Variants in CLK3 observed in about 807,000 individuals in gnomAD.
CLK3 encodes the protein CDC like kinase 3.
In CLK3, 24 loss-of-function variants were observed where a neutral mutation model predicts 65.2. The ratio of observed to expected loss-of-function variants is 0.37; its 90% CI spans 0.27 to 0.52. The LOEUF (loss-of-function observed/expected upper bound fraction) is 0.52. Among genes scored for constraint, CLK3 ranks in the 20% least tolerant of loss-of-function variants. The pLI is 0.92. For synonymous variants in CLK3, 252 were observed against 240.8 expected (o/e 1.05, Z -0.43); for missense variants, 506 against 660.0 (o/e 0.77, Z 2.56).
rs774518985 is a variant in CLK3, at chr15:74,622,448, C to G, written c.467-46C>G. On this transcript the variant is annotated intron_variant, in intron 4 of 12. Transcript: ENST00000395066. The surrounding 1 kb of genome is among the most constrained non-coding windows in gnomAD (Gnocchi z 4.6). ...GCTGTGAACTTGCAGGAGCTGCCAACCCCCTGCCCTCCAGATTCTCATGCC... is the reference window on the plus strand; with the variant it reads ...GCTGTGAACTTGCAGGAGCTGCCAAGCCCCTGCCCTCCAGATTCTCATGCC... 6.9e-7 allele frequency: 1 copy of G among 1,447,784 alleles called. No individual in the cohort carries two copies. Among genetic ancestry groups the G allele is most frequent in the South Asian group, 1.2e-5 (1 of 82,242 alleles). 89.7% of individuals were successfully genotyped at this position (1,447,784 alleles called of 1,614,324 possible). A position where few individuals can be genotyped will look rare whatever the true frequency, so the allele number is the denominator to read the frequency against.
At chr15:74,617,860 TAGTC>T (rs1253404815) in intron 1 of CLK3, among the ~76,000 whole-genome samples, 1 of 152,240 alleles carries the variant, frequency 6.6e-6, no homozygotes, top group African/African-American at 2.4e-5. Flanking sequence ...AGTGAAATAT[TAGTC>T]AGCTGATTAC....
Position 74,620,107 on chromosome 15 carries a change from A to G in CLK3, c.251A>G (p.Tyr84Cys), listed in dbSNP as rs895364263. 1.7e-5 allele frequency: 27 copies of G among 1,614,020 alleles called. No individual in the cohort carries two copies. Among genetic ancestry groups the G allele is most frequent in the African/African-American group, 4.0e-5 (3 of 74,908 alleles). ...ERSPSFGEDY[Y>C]GPSRSRHRRR... ...AGCCCATCCTTTGGAGAGGACTACT[A>G]TGGACCTTCACGTTCTCGTCATCGT... Residue 84 changes from tyrosine (Y) to cysteine (C), a missense_variant, in exon 3 of 13, where the codon TAT (tyrosine) becomes TGT (cysteine). Physicochemically the swap from Tyr to Cys is radical, Grantham distance 194. This residue lies in a region of CLK3 where 181 missense variants were observed against 159.4 expected (regional missense o/e 1.14). Transcript: ENST00000395066.
intron 1 of CLK3, 155 bp from the exon 2 acceptor site, chr15:74,619,042 C>T (rs896410507): frequency 1.2e-6 from 1 of 809,832 alleles, no homozygotes; most frequent in Non-Finnish European, 2.0e-6. Context: ...CCAGTGTGAC[C>T]TCAGAGTTCT....
intron 1 of CLK3, among the ~76,000 whole-genome samples, chr15:74,617,724 A>G (rs1429334977): frequency 6.6e-6 from 1 of 152,272 alleles, no homozygotes; most frequent in Non-Finnish European, 1.5e-5. Flanking sequence ...GGGCAGGACC[A>G]TACTTGCCTT....
intron 1 of CLK3, among the ~76,000 whole-genome samples, chr15:74,616,281 C>A (rs532514533): frequency 2.0e-5 from 3 of 152,386 alleles, no homozygotes; most frequent in Admixed American, 6.5e-5. Flanking sequence ...CCTTGGCGGC[C>A]TGGAGTTTGA....
chr15:74,621,968 T>C lies in CLK3; in HGVS notation c.370-152T>C. The C allele has an allele frequency of 1.4e-6, 1 of 711,730 alleles. No homozygotes were observed. The highest frequency in any genetic ancestry group is 2.6e-6 in the Non-Finnish European group (1 of 390,056). The allele number at this position is 711,730 out of a possible 1,614,324, so 44.1% of individuals were successfully genotyped here. On this transcript the variant is annotated intron_variant, in intron 3 of 12. Coordinates refer to ENST00000395066, the MANE Select transcript of CLK3 (RefSeq NM_001130028.2). The surrounding 1 kb of genome is among the most constrained non-coding windows in gnomAD (Gnocchi z 4.8). Reference sequence around the variant, plus strand: ...CCTATCGTTATATATGCTGTGTGCCTTATGAAATGCTGGGATCTGGAAAAT... The same window carrying C: ...CCTATCGTTATATATGCTGTGTGCCCTATGAAATGCTGGGATCTGGAAAAT...
At chr15:74,619,033 C>T (rs2141539478) in intron 1 of CLK3, 164 bp from the exon 2 acceptor site, 5 of 732,204 alleles carry the variant, frequency 6.8e-6, no homozygotes, top group African/African-American at 1.8e-5. Flanking sequence ...GCTGTTTGAC[C>T]AGTGTGACCT....
At chr15:74,619,060 T>G in intron 1 of CLK3, 137 bp from the exon 2 acceptor site, 1 of 995,670 alleles carries the variant, frequency 1.0e-6, no homozygotes. Context: ...TCTTCTTCAC[T>G]TCATAAACCT....
At position 74,622,009 on chromosome 15, in the gene CLK3, A is replaced by G. The variant is rs1400590342; in HGVS notation, c.370-111A>G. 2 of 954,710 alleles carry G rather than the reference A, an allele frequency of 2.1e-6. No individual in the cohort carries two copies. Among genetic ancestry groups the G allele is most frequent in the Non-Finnish European group, 3.3e-6 (2 of 597,492 alleles). The allele number at this position is 954,710 out of a possible 1,614,324, so 59.1% of individuals were successfully genotyped here. ...TCTGGAAAATCCAACCAACCAACCC[A>G]CCGGCTCCTCACCGTCTCCACCTCT... is the stretch of plus-strand genomic sequence containing the variant. On this transcript the variant is annotated intron_variant, in intron 3 of 12. Coordinates refer to ENST00000395066, the MANE Select transcript of CLK3 (RefSeq NM_001130028.2). This position sits in a 1 kb window ranked among gnomAD's most constrained non-coding sequence, Gnocchi z 4.6.
At chr15:74,629,382 A>C (rs373129982) in intron 12 of CLK3, 3 of 529,784 alleles carry the variant, frequency 5.7e-6, no homozygotes, top group East Asian at 6.9e-5. Context: ...AGACATGGCC[A>C]GGAAGCCTCT....
upstream of CLK3, chr15:74,615,421 G>A (rs999945185): frequency 3.2e-6 from 4 of 1,265,152 alleles, no homozygotes; most frequent in African/African-American, 1.5e-5. Context: ...ACAGACCTCA[G>A]GCCGCTCTCG....
rs773802013 is a variant in CLK3, at chr15:74,627,404, G to A, written c.870G>A (p.Leu290=). ...CAGACTTGAAACCAGAGAACATCCT[G>A]TTTGTGAATTCTGAGTTTGAAACCC... ...THTDLKPENI[L]FVNSEFETLY... The change falls in exon 8 of 13, where the codon CTG becomes CTA. Residue 290 remains leucine (L), a synonymous_variant. Coordinates refer to ENST00000395066, the MANE Select transcript of CLK3 (RefSeq NM_001130028.2). The surrounding 1 kb of genome is among the most constrained non-coding windows in gnomAD (Gnocchi z 4.3). 12 of 1,614,066 alleles carry A rather than the reference G, an allele frequency of 7.4e-6. No homozygotes were observed. Among genetic ancestry groups the A allele is most frequent in the African/African-American group, 1.3e-5 (1 of 74,918 alleles).
upstream of CLK3, among the ~76,000 whole-genome samples, chr15:74,614,303 G>A (rs939668298): frequency 2.0e-5 from 3 of 152,138 alleles, no homozygotes; most frequent in African/African-American, 4.8e-5. Context: ...GTGAACCACC[G>A]CGCTTGGCCG....
chr15:74,625,257 G>T (rs1316078228), intron 6 of CLK3, among the ~76,000 whole-genome samples: 1 of 152,194 alleles, frequency 6.6e-6, no homozygotes, highest in Non-Finnish European at 1.5e-5. Context: ...AGCTCACTGG[G>T]TTATGCTGGG....
chr15:74,613,685 A>G (rs988222248), upstream of CLK3, among the ~76,000 whole-genome samples: 1 of 152,030 alleles, frequency 6.6e-6, no homozygotes, highest in African/African-American at 2.4e-5. Context: ...AGGGCTGGGG[A>G]CAGAAGCTTC....
In CLK3 at chr15:74,624,866, G is replaced by C; in HGVS notation, c.534-36G>C. On this transcript the variant is annotated intron_variant, in intron 5 of 12. Transcript: ENST00000395066. This position sits in a 1 kb window ranked among gnomAD's most constrained non-coding sequence, Gnocchi z 4.2. ...AGGGTTGGGGAAGGACTGGGCAGCT[G>C]CTGATGAGAACCTCTGTTTCCTTCC... 1 of 1,495,960 alleles carries C rather than the reference G, an allele frequency of 6.7e-7. No individual in the cohort carries two copies. The highest frequency in any genetic ancestry group is 1.4e-5 in the African/African-American group (1 of 72,836). 92.7% of individuals were successfully genotyped at this position (1,495,960 alleles called of 1,614,324 possible). A position where few individuals can be genotyped will look rare whatever the true frequency, so the allele number is the denominator to read the frequency against.
In CLK3 at chr15:74,621,055, C is replaced by T. The variant is rs1480344499; in HGVS notation, c.369+830C>T. The T allele has an allele frequency of 6.6e-6, 1 of 152,494 alleles. No homozygotes were observed. The highest frequency in any genetic ancestry group is 2.4e-5 in the African/African-American group (1 of 41,474). 9.4% of individuals were successfully genotyped at this position (152,494 alleles called of 1,614,324 possible). On this transcript the variant is annotated intron_variant, in intron 3 of 12. Transcript: ENST00000395066. The surrounding 1 kb of genome is among the most constrained non-coding windows in gnomAD (Gnocchi z 4.8). The stretch of plus-strand genomic sequence containing the variant: ...TGCGGTCTTCTCTTCTCCCCCATCC[C>T]TCTTCCCTGCCTCCCTCCTGCCGGC...
At chr15:74,620,410 T>TGATCA in intron 3 of CLK3, 185 bp downstream of exon 3, 1 of 810,680 alleles carries the variant, frequency 1.2e-6, no homozygotes, top group Non-Finnish European at 1.9e-6. Flanking sequence ...CTGGCCTCTG[T>TGATCA]GTCTTCTGGC....
chr15:74,608,486 G>C (rs888643826), intron 1 of CLK3: 3 of 152,168 alleles, frequency 2.0e-5, no homozygotes, highest in Non-Finnish European at 4.4e-5. Flanking sequence ...ATTGTCTTAT[G>C]AACTAGGAGG....
Sources: gnomAD v4.1 joint callset for allele counts (sites outside exome capture counted in the v4.1 genomes callset) on GRCh38, gnomAD v4.1.1 for gene constraint, gnomAD v4.1.1 regional missense constraint, Gnocchi (gnomAD v3.1) non-coding constraint, MANE v1.5 for transcripts, NCBI Gene and HGNC (gene_info 2026-07-23, HGNC 2026-07-21) for gene names.